Variants in GOLGB1 observed in about 807,000 individuals in gnomAD.
The protein encoded by GOLGB1 is golgin B1.
In GOLGB1, 174 loss-of-function variants were observed where a neutral mutation model predicts 336.9. That is an observed-to-expected ratio of 0.52 (90% confidence interval 0.46 to 0.59). The LOEUF is 0.59. Among genes scored for constraint, GOLGB1 ranks in the 20% least tolerant of loss-of-function variants. GOLGB1 has a pLI of 0.00. For missense variants in GOLGB1, 3,331 were observed against 3,645.3 expected, an observed-to-expected ratio of 0.91 and a Z score of 2.22; for synonymous variants, 1,208 against 1,289.2, an observed-to-expected ratio of 0.94 and a Z score of 1.35.
rs1944633901 is a variant in GOLGB1 at position 121,714,894 on chromosome 3, A to T, written c.1371T>A (p.Thr457=). 6.2e-7 allele frequency: 1 copy of T among 1,611,090 alleles called. No individual in the cohort carries two copies. The highest frequency in any genetic ancestry group is 1.1e-5 in the South Asian group (1 of 91,032). The change falls in exon 10 of 22, where the codon ACT becomes ACA. Residue 457 remains threonine (T), a synonymous_variant. Coordinates refer to ENST00000614479, the MANE Select transcript of GOLGB1 (RefSeq NM_001366282.2). ...PLQQHETASQ[T]SFPDVYNEGT... ...CCTCATTATAAACATCTGGGAAAGA[A>T]GTCTGAGATGCTGTTTCATGTTGTT... is the stretch of plus-strand genomic sequence containing the variant.
In GOLGB1 at chr3:121,706,733, C is replaced by CAAAAAA. The variant is rs1200925309; in HGVS notation, c.1405-4144_1405-4139dup. Among the ~76,000 whole-genome samples, 30 of 16,158 alleles carry CAAAAAA rather than the reference C, an allele frequency of 1.9e-3. 5 individuals carry two copies. Among genetic ancestry groups the CAAAAAA allele is most frequent in the African/African-American group, 7.4e-3 (29 of 3,894 alleles). The allele number at this position is 16,158 out of a possible 152,430, so 10.6% of individuals were successfully genotyped here. A position where few individuals can be genotyped will look rare whatever the true frequency, so the allele number is the denominator to read the frequency against. ...TGGATGACACACTGAGACTCTGTCT[C>CAAAAAA]AAAAAAAAAAAAAAAAAAAAAAAAA... On this transcript the variant is annotated intron_variant, in intron 10 of 21. Coordinates refer to ENST00000614479, the MANE Select transcript of GOLGB1 (RefSeq NM_001366282.2).
intron 1 of GOLGB1, among the ~76,000 whole-genome samples, chr3:121,734,438 T>G (rs1946348683): frequency 6.6e-6 from 1 of 150,736 alleles, no homozygotes; most frequent in African/African-American, 2.4e-5. Context: ...AGAAAATATT[T>G]ACAAATAGCA....
intron 1 of GOLGB1, among the ~76,000 whole-genome samples, chr3:121,734,137 C>A (rs1247692363): frequency 3.3e-5 from 5 of 152,214 alleles, no homozygotes; most frequent in South Asian, 2.1e-4. Context: ...CACCTGTAAT[C>A]CCAGCACTTT....
chr3:121,701,596 A>G (rs553923777), intron 11 of GOLGB1, among the ~76,000 whole-genome samples: 32 of 152,288 alleles, frequency 2.1e-4, no homozygotes, highest in Middle Eastern at 3.4e-3. Flanking sequence ...ACGCTACTAA[A>G]TCCATAAAGT....
intron 10 of GOLGB1, among the ~76,000 whole-genome samples, chr3:121,710,612 G>A (rs1255572586): frequency 6.6e-6 from 1 of 152,156 alleles, no homozygotes; most frequent in Non-Finnish European, 1.5e-5. Flanking sequence ...GCCAAGGGAG[G>A]GGGATTGCTT....
chr3:121,668,314 C>T, intron 18 of GOLGB1, 156 bp from the exon 19 acceptor site: 1 of 491,064 alleles, frequency 2.0e-6, no homozygotes, highest in Non-Finnish European at 3.6e-6. Context: ...GATTACTCAC[C>T]TACATAAAAC....
intron 10 of GOLGB1, among the ~76,000 whole-genome samples, chr3:121,711,371 A>G (rs1944348794): frequency 1.3e-5 from 2 of 152,090 alleles, no homozygotes. Flanking sequence ...CCTCTACAAG[A>G]TTGAGGATGA....
chr3:121,677,209 AAAAC>A, intron 16 of GOLGB1, 72 bp downstream of exon 16: 1 of 1,343,900 alleles, frequency 7.4e-7, no homozygotes, highest in Non-Finnish European at 1.0e-6. Context: ...TCTTAAAAAA[AAAAC>A]AAAACCCTGC....
intron 11 of GOLGB1, among the ~76,000 whole-genome samples, chr3:121,700,669 G>A (rs1285462242): frequency 6.6e-6 from 1 of 151,896 alleles, no homozygotes; most frequent in African/African-American, 2.4e-5. Context: ...TAAAAACACT[G>A]GTCTGTTTTC....
At chr3:121,732,803 C>T (rs1946205085) in intron 1 of GOLGB1, among the ~76,000 whole-genome samples, 1 of 152,066 alleles carries the variant, frequency 6.6e-6, no homozygotes, top group East Asian at 1.9e-4. Flanking sequence ...AATGTTCTCA[C>T]CATATGAGAA....
Position 121,695,101 on chromosome 3 carries a change from G to C in GOLGB1, c.5422C>G (p.Leu1808Val), listed in dbSNP as rs1236338630. Reference protein sequence around the residue: ...IPGETEEQDSLSMSTRPTCSE... With the variant: ...IPGETEEQDSVSMSTRPTCSE... Reference sequence around the variant, plus strand: ...CATGTAGGTCTTGTGCTCATACTCAGAGAGTCTTGCTCTTCAGTCTCACCT... The same window carrying C: ...CATGTAGGTCTTGTGCTCATACTCACAGAGTCTTGCTCTTCAGTCTCACCT... The change falls in exon 13 of 22, where the codon CTG (leucine) becomes GTG (valine). Residue 1808 changes from leucine to valine, a missense_variant. Transcript: ENST00000614479. The C allele has an allele frequency of 1.2e-6, 2 of 1,613,748 alleles. No individual in the cohort carries two copies. Among genetic ancestry groups the C allele is most frequent in the South Asian group, 1.1e-5 (1 of 91,068 alleles).
chr3:121,717,081 A>G lies in GOLGB1; in HGVS notation c.944T>C (p.Val315Ala), dbSNP rs1183305987. The change falls in exon 9 of 22, where the codon GTG becomes GCG. Residue 315 changes from valine to alanine, a missense_variant. Physicochemically the swap from Val to Ala is moderately conservative, Grantham distance 64. Coordinates refer to ENST00000614479, the MANE Select transcript of GOLGB1 (RefSeq NM_001366282.2). Reference protein sequence around the residue: ...EAEHNTLRNTVETEREESKIL... With the variant: ...EAEHNTLRNTAETEREESKIL... ...CTTGGACTCCTCTCTTTCTGTTTCC[A>G]CAGTGTTCCTCAAAGTATTATGCTC... 6.2e-7 allele frequency: 1 copy of G among 1,612,952 alleles called. No individual in the cohort carries two copies. The highest frequency in any genetic ancestry group is 8.5e-7 in the Non-Finnish European group (1 of 1,178,976).
chr3:121,684,397 A>C (rs945535845), intron 14 of GOLGB1, among the ~76,000 whole-genome samples: 3 of 151,986 alleles, frequency 2.0e-5, no homozygotes, highest in African/African-American at 7.2e-5. Flanking sequence ...AATGGTAAAA[A>C]ATAATTTAAT....
intron 1 of GOLGB1, among the ~76,000 whole-genome samples, chr3:121,745,838 G>A (rs1947249077): frequency 1.3e-5 from 2 of 152,164 alleles, no homozygotes; most frequent in South Asian, 4.1e-4. Context: ...TAACACTTAT[G>A]TGTTGAAGTG....
At position 121,673,723 on chromosome 3, in the gene GOLGB1, C is replaced by CTA. The variant is rs1487457061; in HGVS notation, c.9177+3168_9177+3169dup. Among the ~76,000 whole-genome samples, 15 of 151,726 alleles carry CTA rather than the reference C, an allele frequency of 9.9e-5. No individual in the cohort carries two copies. In the South Asian group the frequency reaches 3.1e-3, roughly 32 times the overall value. ...TCTATCTATCTATCTATCTATCTAT[C>CTA]TATCTATCTATTTTTGAAACACAGT... On this transcript the variant is annotated intron_variant, in intron 17 of 21. Coordinates refer to ENST00000614479, the MANE Select transcript of GOLGB1 (RefSeq NM_001366282.2).
chr3:121,745,514 A>C (rs1243453007), intron 1 of GOLGB1, among the ~76,000 whole-genome samples: 1 of 149,656 alleles, frequency 6.7e-6, no homozygotes, highest in Non-Finnish European at 1.5e-5. Context: ...GTGTATGTAT[A>C]TATACATATG....
chr3:121,713,095 G>A (rs950564201), intron 10 of GOLGB1, among the ~76,000 whole-genome samples: 3 of 152,172 alleles, frequency 2.0e-5, no homozygotes, highest in Non-Finnish European at 4.4e-5. Context: ...CCGGGAGGTC[G>A]AGGTTGCAGT....
At chr3:121,742,642 T>C (rs2108408528) in intron 1 of GOLGB1, among the ~76,000 whole-genome samples, 1 of 152,244 alleles carries the variant, frequency 6.6e-6, no homozygotes, top group African/African-American at 2.4e-5. Flanking sequence ...CTAAAGAGCT[T>C]CTGCACAGCA....
intron 1 of GOLGB1, among the ~76,000 whole-genome samples, chr3:121,732,094 T>C (rs907054932): frequency 3.3e-5 from 5 of 152,130 alleles, no homozygotes; most frequent in African/African-American, 1.2e-4. Flanking sequence ...CACTGAAAGA[T>C]TCAAGCTACC....
Sources: allele counts gnomAD v4.1 joint callset (sites outside exome capture counted in the v4.1 genomes callset), GRCh38; gene constraint gnomAD v4.1.1; transcripts MANE v1.5; gene names NCBI Gene and HGNC (gene_info 2026-07-23, HGNC 2026-07-21).